ZNF341: variants seen among roughly 807,000 people sequenced by gnomAD.
ZNF341 encodes the protein zinc finger protein 341.
In ZNF341, 52 loss-of-function variants were observed where a neutral mutation model predicts 87.7. The ratio of observed to expected loss-of-function variants is 0.59; its 90% CI spans 0.47 to 0.75. The LOEUF is 0.75. Among genes scored for constraint, ZNF341 ranks in the 30% least tolerant of loss-of-function variants. The probability of loss-of-function intolerance (pLI) is 0.00; values close to 1 mark genes in which losing one functional copy is unlikely to be tolerated. For synonymous variants in ZNF341, 459 were observed against 472.7 expected (o/e 0.97, Z 0.38); for missense variants, 977 against 1,145.9 (o/e 0.85, Z 2.13).
intron 12 of ZNF341, among the ~76,000 whole-genome samples, chr20:33,784,529 C>T (rs1164804328): frequency 7.0e-6 from 1 of 142,120 alleles, no homozygotes; most frequent in Non-Finnish European, 1.5e-5. Flanking sequence ...CCCTGATCCA[C>T]CTGCCTTAAT....
intron 10 of ZNF341, among the ~76,000 whole-genome samples, chr20:33,771,494 C>T (rs1028944558): frequency 2.6e-5 from 4 of 151,938 alleles, no homozygotes; most frequent in African/African-American, 9.7e-5. Flanking sequence ...GATCCTCCCA[C>T]CTTAGCCTCC....
chr20:33,757,173 C>T lies in ZNF341; in HGVS notation c.767C>T (p.Pro256Leu), dbSNP rs556692619. 4 of 1,484,072 alleles carry T rather than the reference C, an allele frequency of 2.7e-6. No homozygotes were observed. Among genetic ancestry groups the T allele is most frequent in the Non-Finnish European group, 3.6e-6 (4 of 1,115,434 alleles). 91.9% of individuals were successfully genotyped at this position (1,484,072 alleles called of 1,614,324 possible). The change falls in exon 6 of 15, where the codon CCA becomes CTA. Residue 256 changes from proline (P) to leucine (L), a missense_variant. By Grantham distance (98) the Pro-to-Leu change is moderately conservative (BLOSUM62 -3). Around this residue, in one of 3 missense-constraint regions of ZNF341, gnomAD observed 515 missense variants for 598.2 expected, o/e 0.86. Transcript: ENST00000375200. ...LEVPNQCVEP[P>L]VYPTPTVYSP... is the part of the protein sequence containing the mutation. ...GTGCCAAACCAGTGTGTGGAGCCTC[C>T]AGTATATCCCACCCCCACAGTGTAC...
intron 13 of ZNF341, 88 bp downstream of exon 13, chr20:33,789,062 T>C (rs1225600545): frequency 3.1e-6 from 3 of 980,442 alleles, no homozygotes; most frequent in Non-Finnish European, 4.5e-6. Flanking sequence ...ATGTCAGGCC[T>C]GAGGGCAGGC....
chr20:33,776,272 T>C (rs1292732248), intron 10 of ZNF341, among the ~76,000 whole-genome samples: 2 of 151,900 alleles, frequency 1.3e-5, no homozygotes, highest in Non-Finnish European at 2.9e-5. Flanking sequence ...TTTAAACTTT[T>C]TGTAGAAACA....
At chr20:33,786,697 G>A (rs574003908) in intron 12 of ZNF341, among the ~76,000 whole-genome samples, 48 of 152,118 alleles carry the variant, frequency 3.2e-4, no homozygotes, top group Non-Finnish European at 6.0e-4. Flanking sequence ...TGCCAGGCGC[G>A]GTGGCTCATG....
At position 33,791,082 on chromosome 20, in the gene ZNF341, G is replaced by A; in HGVS notation, c.2130G>A (p.Lys710=). 6.2e-7 allele frequency: 1 copy of A among 1,613,230 alleles called. No homozygotes were observed. Residue 710 remains lysine (K), a synonymous_variant, in exon 15 of 15, where the codon AAG becomes AAA. Coordinates refer to ENST00000375200, the MANE Select transcript of ZNF341 (RefSeq NM_001282933.2). ...AGCGCGCCCACACGGGCAACTACAA[G>A]TTCCGCTGTGCTGGCTGCGCCAAGG... The part of the protein sequence containing the change: ...EHQRAHTGNY[K]FRCAGCAKGF...
chr20:33,756,255 G>A (rs535312433), intron 5 of ZNF341, among the ~76,000 whole-genome samples: 1 of 152,230 alleles, frequency 6.6e-6, no homozygotes, highest in African/African-American at 2.4e-5. Flanking sequence ...ATTTCTCGTG[G>A]CTTCAGTTCT....
chr20:33,735,367 C>G (rs546412073), intron 1 of ZNF341, among the ~76,000 whole-genome samples: 1 of 152,048 alleles, frequency 6.6e-6, no homozygotes, highest in Non-Finnish European at 1.5e-5. Context: ...CAGGATCTCA[C>G]TCTGTCTCCA....
chr20:33,776,099 G>A (rs868217776), intron 10 of ZNF341, among the ~76,000 whole-genome samples: 2 of 151,736 alleles, frequency 1.3e-5, no homozygotes, highest in Non-Finnish European at 1.5e-5. Flanking sequence ...TTTGTTTAGA[G>A]ACAGGGTCTC....
At chr20:33,741,855 C>T (rs528052152) in intron 2 of ZNF341, among the ~76,000 whole-genome samples, 7 of 152,092 alleles carry the variant, frequency 4.6e-5, no homozygotes, top group Admixed American at 1.3e-4. Context: ...GCTCTGTGAC[C>T]GTGGGCAAGT....
At chr20:33,740,872 C>A in intron 1 of ZNF341, 30 bp from the exon 2 acceptor site, 1 of 1,602,638 alleles carries the variant, frequency 6.2e-7, no homozygotes, top group Non-Finnish European at 8.5e-7. Flanking sequence ...CTGGGCCTAC[C>A]TTCCAAAGAG....
At chr20:33,787,178 C>A (rs769643084) in intron 12 of ZNF341, 1 of 152,018 alleles carries the variant, frequency 6.6e-6, no homozygotes, top group Non-Finnish European at 1.5e-5. Context: ...AGTTTATTTA[C>A]AGAGACACAT....
chr20:33,750,424 A>G (rs942782371), intron 4 of ZNF341, among the ~76,000 whole-genome samples: 1 of 152,068 alleles, frequency 6.6e-6, no homozygotes, highest in Non-Finnish European at 1.5e-5. Flanking sequence ...GAACACAGTG[A>G]AGAAGAGGAC....
chr20:33,748,855 C>G (rs182640233), intron 3 of ZNF341, 68 bp from the exon 4 acceptor site: 141 of 1,485,432 alleles, frequency 9.5e-5, no homozygotes, highest in Admixed American at 6.0e-4. Flanking sequence ...CATGCACACA[C>G]GCACACATGA....
intron 10 of ZNF341, among the ~76,000 whole-genome samples, chr20:33,780,073 G>T (rs756953982): frequency 1.4e-4 from 21 of 152,282 alleles, no homozygotes; most frequent in Non-Finnish European, 2.6e-4. Flanking sequence ...GGAGTGCATC[G>T]TGGGGGGCAA....
rs758438334 is a variant in ZNF341 at position 33,791,550 on chromosome 20, T to C, written c.*33T>C. ...GAGGTGTCTGTTTCCTGGGCAGGCC[T>C]GATGCTCCTGTTTGGGTCCAGGGCC... On this transcript the variant is annotated 3_prime_UTR_variant, in exon 15 of 15. Coordinates refer to ENST00000375200, the MANE Select transcript of ZNF341 (RefSeq NM_001282933.2). 4 of 1,508,558 alleles carry C rather than the reference T, an allele frequency of 2.7e-6. No homozygotes were observed. The Admixed American group carries it at 8.2e-5, about 31-fold the overall frequency. 93.4% of individuals were successfully genotyped at this position (1,508,558 alleles called of 1,614,324 possible).
chr20:33,789,519 A>T lies in ZNF341; in HGVS notation c.1966A>T (p.Thr656Ser). ...PFKKYKCPFS[T>S]HTGCSKEFNR... Reference sequence around the variant, plus strand: ...CTGACCAGTGGCTTTGGGTTTTAGGACGCACACAGGCTGCAGTAAGGAGTT... The same window carrying T: ...CTGACCAGTGGCTTTGGGTTTTAGGTCGCACACAGGCTGCAGTAAGGAGTT... The change falls in exon 14 of 15, where the codon ACG becomes TCG. Residue 656 changes from threonine to serine, a missense_variant and splice_region_variant. Physicochemically the swap from Thr to Ser is moderately conservative, Grantham distance 58. Transcript: ENST00000375200. The T allele has an allele frequency of 6.2e-7, 1 of 1,613,996 alleles. No individual in the cohort carries two copies. The highest frequency in any genetic ancestry group is 8.5e-7 in the Non-Finnish European group (1 of 1,179,968).
intron 4 of ZNF341, among the ~76,000 whole-genome samples, chr20:33,751,301 A>G (rs993400738): frequency 2.6e-5 from 4 of 152,036 alleles, no homozygotes; most frequent in African/African-American, 4.8e-5. Context: ...CCACACATTC[A>G]TGATTCTCTC....
intron 9 of ZNF341, among the ~76,000 whole-genome samples, chr20:33,769,401 G>C (rs1303394782): frequency 6.7e-6 from 1 of 148,664 alleles, no homozygotes; most frequent in Admixed American, 6.7e-5. Context: ...GGGAGGGGTG[G>C]CGGGGGCACA....
Sources: gnomAD v4.1 joint callset for allele counts (sites outside exome capture counted in the v4.1 genomes callset) on GRCh38, gnomAD v4.1.1 for gene constraint, gnomAD v4.1.1 regional missense constraint, MANE v1.5 for transcripts, NCBI Gene and HGNC (gene_info 2026-07-23, HGNC 2026-07-21) for gene names.